COL4A2: variants seen among roughly 807,000 people sequenced by gnomAD.
The protein encoded by COL4A2 is collagen type IV alpha 2 chain, also known as collagen alpha-2(IV) chain.
COL4A2 carries 99 observed loss-of-function variants against 200.2 expected under a neutral mutation model. The ratio of observed to expected loss-of-function variants is 0.49; its 90% CI spans 0.42 to 0.58. COL4A2 has a LOEUF of 0.58. Ranked by LOEUF, COL4A2 falls within the 20% of genes least tolerant of loss-of-function variation. The pLI, the probability that COL4A2 is intolerant of heterozygous loss-of-function variation, is 0.00. For missense variants in COL4A2, 1,950 were observed against 2,314.1 expected, an observed-to-expected ratio of 0.84 and a Z score of 3.23; for synonymous variants, 897 against 900.6, an observed-to-expected ratio of 1.00 and a Z score of 0.07.
intron 6 of COL4A2, among the ~76,000 whole-genome samples, chr13:110,425,923 ACAGT>A (rs530108850): frequency 8.9e-4 from 135 of 152,304 alleles, no homozygotes; most frequent in African/African-American, 3.1e-3. Flanking sequence ...GCAGAAGGAG[ACAGT>A]CAGGGCAAAA....
In COL4A2 at chr13:110,438,125, G is replaced by A. The variant is rs561363795; in HGVS notation, c.861+88G>A. On this transcript the variant is annotated intron_variant, in intron 14 of 47. Transcript: ENST00000360467. Reference sequence around the variant, plus strand: ...GCATGACGGGGTGCACCATGCGCTCGGGGCCCGCACACCGCCAGTCTCTCA... The same window carrying A: ...GCATGACGGGGTGCACCATGCGCTCAGGGCCCGCACACCGCCAGTCTCTCA... The A allele has an allele frequency of 2.5e-5, 26 of 1,048,736 alleles. 1 individual carries two copies. The highest frequency in any genetic ancestry group is 9.5e-5 in the East Asian group (4 of 42,004). The allele number at this position is 1,048,736 out of a possible 1,614,324, so 65.0% of individuals were successfully genotyped here.
At chr13:110,476,808 G>A (rs9521799) in intron 29 of COL4A2, among the ~76,000 whole-genome samples, 45,087 of 152,160 alleles carry the variant, frequency 0.3, 6,893 homozygotes, top group East Asian at 0.43. Context: ...TGCCCTTAGT[G>A]TCTGACCACT....
At chr13:110,393,322 C>G (rs1879059873) in intron 4 of COL4A2, among the ~76,000 whole-genome samples, 1 of 152,152 alleles carries the variant, frequency 6.6e-6, no homozygotes, top group Non-Finnish European at 1.5e-5. Flanking sequence ...CTAAATTGCT[C>G]TCCCATCCAA....
chr13:110,327,079 C>G (rs181946555), intron 3 of COL4A2, among the ~76,000 whole-genome samples: 1 of 152,172 alleles, frequency 6.6e-6, no homozygotes, highest in Non-Finnish European at 1.5e-5. Context: ...CACCCCAGCC[C>G]TGTGGTTGCT....
At chr13:110,496,603 T>C (rs1316319856) in intron 40 of COL4A2, among the ~76,000 whole-genome samples, 1 of 145,020 alleles carries the variant, frequency 6.9e-6, no homozygotes, top group African/African-American at 2.6e-5. Flanking sequence ...GTTGAGGATC[T>C]AGGGTCAGTC....
intron 31 of COL4A2, among the ~76,000 whole-genome samples, chr13:110,481,612 C>G (rs796271089): frequency 9.7e-6 from 1 of 102,640 alleles, no homozygotes; most frequent in Non-Finnish European, 2.0e-5. Context: ...ACACACTGTT[C>G]TGTCCCTCCG....
chr13:110,395,837 C>T (rs950692037), intron 4 of COL4A2, among the ~76,000 whole-genome samples: 25 of 152,100 alleles, frequency 1.6e-4, no homozygotes, highest in Non-Finnish European at 2.6e-4. Context: ...CCCAGCTACT[C>T]GGAAGTTTGA....
intron 4 of COL4A2, among the ~76,000 whole-genome samples, chr13:110,420,721 C>A (rs1006770868): frequency 2.0e-5 from 3 of 152,204 alleles, no homozygotes; most frequent in Non-Finnish European, 4.4e-5. Context: ...CAGAGGAAAA[C>A]CCTTGGCATG....
At chr13:110,380,764 T>C (rs1369189035) in intron 4 of COL4A2, among the ~76,000 whole-genome samples, 11 of 134,760 alleles carry the variant, frequency 8.2e-5, no homozygotes, top group East Asian at 4.8e-4. Context: ...CTCACACCCA[T>C]GGGCTCTGTG....
At chr13:110,335,809 A>C (rs1045402731) in intron 3 of COL4A2, among the ~76,000 whole-genome samples, 1 of 152,220 alleles carries the variant, frequency 6.6e-6, no homozygotes, top group Non-Finnish European at 1.5e-5. Context: ...TATGGAGTTT[A>C]AACTACTTCA....
At chr13:110,338,591 C>G (rs771097942) in intron 3 of COL4A2, among the ~76,000 whole-genome samples, 9 of 152,206 alleles carry the variant, frequency 5.9e-5, no homozygotes, top group Non-Finnish European at 8.8e-5. Context: ...GAAGCTAAAC[C>G]TGGGACCCCA....
intron 3 of COL4A2, among the ~76,000 whole-genome samples, chr13:110,347,863 A>G (rs983327662): frequency 6.6e-6 from 1 of 152,236 alleles, no homozygotes; most frequent in East Asian, 1.9e-4. Context: ...AGGTGTGCAG[A>G]TATGAAAACA....
intron 3 of COL4A2, among the ~76,000 whole-genome samples, chr13:110,327,229 C>T (rs1002223342): frequency 5.3e-5 from 8 of 152,236 alleles, no homozygotes; most frequent in African/African-American, 1.7e-4. Context: ...GGGGCCCCCA[C>T]CCATGGAATT....
intron 16 of COL4A2, among the ~76,000 whole-genome samples, chr13:110,442,862 C>T (rs1881181990): frequency 6.6e-6 from 1 of 152,188 alleles, no homozygotes; most frequent in Non-Finnish European, 1.5e-5. Flanking sequence ...GAAATAACTC[C>T]ACAGAGTTAT....
At chr13:110,380,150 C>T (rs1594179886) in intron 4 of COL4A2, among the ~76,000 whole-genome samples, 1 of 152,240 alleles carries the variant, frequency 6.6e-6, no homozygotes, top group South Asian at 2.1e-4. Flanking sequence ...GCACATTAGT[C>T]ATGGCCTCAA....
At chr13:110,418,474 C>T (rs960497949) in intron 4 of COL4A2, among the ~76,000 whole-genome samples, 1 of 152,150 alleles carries the variant, frequency 6.6e-6, no homozygotes, top group African/African-American at 2.4e-5. Context: ...CTTCTAGAAG[C>T]GATACAGCTT....
intron 3 of COL4A2, among the ~76,000 whole-genome samples, chr13:110,310,255 A>G (rs1480141511): frequency 1.3e-5 from 2 of 152,220 alleles, no homozygotes; most frequent in Non-Finnish European, 2.9e-5. Context: ...CAGGCCCCCT[A>G]GACCCCCAGA....
At chr13:110,452,013 C>G (rs1225509129) in intron 20 of COL4A2, among the ~76,000 whole-genome samples, 1 of 152,244 alleles carries the variant, frequency 6.6e-6, no homozygotes, top group Non-Finnish European at 1.5e-5. Context: ...TTTAAATTCC[C>G]TGACATTGCC....
intron 4 of COL4A2, among the ~76,000 whole-genome samples, chr13:110,362,344 A>G (rs995130918): frequency 3.3e-5 from 5 of 152,224 alleles, no homozygotes; most frequent in African/African-American, 1.2e-4. Context: ...TCCACTGAAT[A>G]CCAGGCAATC....
Sources: allele counts gnomAD v4.1 joint callset (sites outside exome capture counted in the v4.1 genomes callset), GRCh38; gene constraint gnomAD v4.1.1; transcripts MANE v1.5; gene names NCBI Gene and HGNC (gene_info 2026-07-23, HGNC 2026-07-21).